Variants in PCDHA10 observed in about 807,000 individuals in gnomAD.
PCDHA10 encodes protocadherin alpha-10.
A neutral mutation model predicts 61.2 loss-of-function variants in PCDHA10; 45 were observed. That is an observed-to-expected ratio of 0.74 (90% confidence interval 0.58 to 0.94). The LOEUF (loss-of-function observed/expected upper bound fraction) is 0.94, where lower values mean the gene tolerates loss of function less well. Among genes scored for constraint, PCDHA10 ranks in the 40% least tolerant of loss-of-function variants. PCDHA10 has a pLI of 0.00. For missense variants in PCDHA10, 1,278 were observed against 1,236.2 expected (o/e 1.03, Z -0.51); for synonymous variants, 602 against 548.8 (o/e 1.10, Z -1.35).
chr5:140,893,882 C>G (rs2064212921), intron 1 of PCDHA10, among the ~76,000 whole-genome samples: 1 of 152,140 alleles, frequency 6.6e-6, no homozygotes, highest in Non-Finnish European at 1.5e-5. Flanking sequence ...CCAAAGTGGC[C>G]AGAAAGTTAC....
intron 1 of PCDHA10, among the ~76,000 whole-genome samples, chr5:140,951,791 A>T (rs375226786): frequency 1.3e-5 from 2 of 152,228 alleles, no homozygotes; most frequent in Non-Finnish European, 2.9e-5. Context: ...AAATACAATT[A>T]TCCCTTCCCA....
Position 140,874,495 on chromosome 5 carries a change from G to A in PCDHA10, c.2388+16059G>A, listed in dbSNP as rs532074473. 2.0e-5 allele frequency among the ~76,000 whole-genome samples: 3 copies of A among 152,336 alleles called. No homozygotes were observed. The South Asian group carries it at 6.2e-4, about 32-fold the overall frequency. ...AGAAAAAGCAAAAGGTTGATATCAAGTTCACATTCTCTTGACTTTAGTCAA... is the reference window on the plus strand; with the variant it reads ...AGAAAAAGCAAAAGGTTGATATCAAATTCACATTCTCTTGACTTTAGTCAA... On this transcript the variant is annotated intron_variant, in intron 1 of 3. Coordinates refer to ENST00000307360, the MANE Select transcript of PCDHA10 (RefSeq NM_018901.4).
At chr5:140,931,373 C>T (rs1290408788) in intron 1 of PCDHA10, among the ~76,000 whole-genome samples, 1 of 151,646 alleles carries the variant, frequency 6.6e-6, no homozygotes, top group Non-Finnish European at 1.5e-5. Context: ...TTTCACTAGA[C>T]TAGAAAGGAA....
At position 140,978,807 on chromosome 5, in the gene PCDHA10, A is replaced by G. The variant is rs1489269679; in HGVS notation, c.2389-142A>G. 3.3e-6 allele frequency: 5 copies of G among 1,494,726 alleles called. No individual in the cohort carries two copies. In the African/African-American group the frequency reaches 4.2e-5, roughly 12 times the overall value. The allele number at this position is 1,494,726 out of a possible 1,614,324, so 92.6% of individuals were successfully genotyped here. A position where few individuals can be genotyped will look rare whatever the true frequency, so the allele number is the denominator to read the frequency against. ...AAGTGCTATATATGTAGATATCATC[A>G]TAGAGTTACACATGAAATGGCTCAT... On this transcript the variant is annotated intron_variant, in intron 1 of 3. Coordinates refer to ENST00000307360, the MANE Select transcript of PCDHA10 (RefSeq NM_018901.4).
At chr5:140,871,125 G>A (rs1387416665) in intron 1 of PCDHA10, 1 of 1,613,330 alleles carries the variant, frequency 6.2e-7, no homozygotes. Context: ...GCGGACAGGC[G>A]CCAAAGGCCT....
At chr5:140,966,454 C>T (rs897696652) in intron 1 of PCDHA10, 6 of 426,406 alleles carry the variant, frequency 1.4e-5, no homozygotes, top group Admixed American at 4.4e-5. Flanking sequence ...TCCCCCTCCC[C>T]CTCTGTCTTC....
intron 1 of PCDHA10, chr5:140,884,079 A>G (rs2059982825): frequency 5.6e-6 from 9 of 1,613,504 alleles, no homozygotes; most frequent in South Asian, 3.3e-5. Context: ...TCGGGCTACA[A>G]TGCGTGGCTT....
At chr5:141,006,313 G>A (rs190584023) in intron 3 of PCDHA10, among the ~76,000 whole-genome samples, 18 of 152,072 alleles carry the variant, frequency 1.2e-4, no homozygotes, top group Admixed American at 1.1e-3. Context: ...CCGGGTTCAT[G>A]CCATTCTCCT....
intron 1 of PCDHA10, among the ~76,000 whole-genome samples, chr5:140,977,702 A>C (rs1420121979): frequency 1.3e-5 from 2 of 152,190 alleles, no homozygotes; most frequent in African/African-American, 4.8e-5. Context: ...AATCTGTCTG[A>C]ATATTGAGAT....
intron 1 of PCDHA10, among the ~76,000 whole-genome samples, chr5:140,948,438 G>A (rs2094254732): frequency 6.6e-6 from 1 of 151,474 alleles, no homozygotes; most frequent in South Asian, 2.1e-4. Context: ...GAAACATTCT[G>A]TGCCAGGGAT....
chr5:140,955,386 G>T (rs942993673), intron 1 of PCDHA10, among the ~76,000 whole-genome samples: 4 of 152,080 alleles, frequency 2.6e-5, no homozygotes, highest in African/African-American at 9.7e-5. Flanking sequence ...AATCATGGGG[G>T]CAATTATCCC....
chr5:141,010,696 C>A lies in PCDHA10; in HGVS notation c.*759C>A. ...AAACAGAAGCAGATCTGATGTGTTT[C>A]CTATACATGTCCTGTGCTCACTTTA... On this transcript the variant is annotated 3_prime_UTR_variant, in exon 4 of 4. Transcript: ENST00000307360. The A allele has an allele frequency of 6.3e-6, 1 of 159,082 alleles. No individual in the cohort carries two copies. The highest frequency in any genetic ancestry group is 1.4e-5 in the Non-Finnish European group (1 of 71,522). 9.9% of individuals were successfully genotyped at this position (159,082 alleles called of 1,614,324 possible).
rs1172235906 is a variant in PCDHA10, at chr5:140,871,551, C to T, written c.2388+13115C>T. 10 of 1,494,576 alleles carry T rather than the reference C, an allele frequency of 6.7e-6. No homozygotes were observed. The Admixed American group carries it at 2.5e-4, about 38-fold the overall frequency. 92.6% of individuals were successfully genotyped at this position (1,494,576 alleles called of 1,614,324 possible). ...AGTGTATGTGAAATTATTTAAAATC[C>T]AGTTTTTTTTCACGGATTTTTTAAG... On this transcript the variant is annotated intron_variant, in intron 1 of 3. Transcript: ENST00000307360.
At chr5:140,941,214 C>CCTTTCTTTCTTT (rs60032403) in intron 1 of PCDHA10, among the ~76,000 whole-genome samples, 2,129 of 122,416 alleles carry the variant, frequency 0.017, 41 homozygotes, top group Non-Finnish European at 0.024. Context: ...TTTCTTTCTT[C>CCTTTCTTTCTTT]CTTTCTTTCT....
chr5:140,868,850 G>C, intron 1 of PCDHA10: 3 of 459,172 alleles, frequency 6.5e-6, no homozygotes, highest in South Asian at 5.9e-5. Flanking sequence ...GTGAAATTCT[G>C]TGGTGGTAAA....
Position 140,977,158 on chromosome 5 carries a change from A to G in PCDHA10, c.2389-1791A>G, listed in dbSNP as rs6862693. Among the ~76,000 whole-genome samples, 983 of 152,340 alleles carry G rather than the reference A, an allele frequency of 6.5e-3. 6 individuals carry two copies. The highest frequency in any genetic ancestry group is 0.023 in the African/African-American group (951 of 41,586). ...CAGTCCTGCTGGAACTGTGCCTTTC[A>G]GCAAAATGAGTTTGATGATTTCATT... On this transcript the variant is annotated intron_variant, in intron 1 of 3. Transcript: ENST00000307360.
At chr5:140,986,618 C>T (rs782259734) in intron 3 of PCDHA10, among the ~76,000 whole-genome samples, 2 of 152,134 alleles carry the variant, frequency 1.3e-5, no homozygotes, top group African/African-American at 2.4e-5. Flanking sequence ...TCAGGCCTTA[C>T]CTAAGGCAAC....
chr5:140,986,737 G>A (rs1183806071), intron 3 of PCDHA10, among the ~76,000 whole-genome samples: 1 of 152,192 alleles, frequency 6.6e-6, no homozygotes, highest in African/African-American at 2.4e-5. Flanking sequence ...CAAGACCCCA[G>A]GGGATCTGGG....
chr5:140,955,867 C>T (rs1208648426), intron 1 of PCDHA10, among the ~76,000 whole-genome samples: 1 of 152,136 alleles, frequency 6.6e-6, no homozygotes, highest in Non-Finnish European at 1.5e-5. Context: ...CTTCACTTCC[C>T]TTTTTAGCTG....
Sources: allele counts gnomAD v4.1 joint callset (sites outside exome capture counted in the v4.1 genomes callset), GRCh38; gene constraint gnomAD v4.1.1; transcripts MANE v1.5; gene names NCBI Gene and HGNC (gene_info 2026-07-23, HGNC 2026-07-21).